The following FHL3 variants were observed in gnomAD, a reference collection of about 807,000 sequenced individuals.
FHL3 encodes four and a half LIM domains protein 3.
Under a neutral mutation model 34.3 loss-of-function variants are expected in FHL3, and 21 were observed. That is an observed-to-expected ratio of 0.61 (90% CI 0.43 to 0.88). FHL3 has a LOEUF of 0.88. Ranked by LOEUF, FHL3 falls within the 40% of genes least tolerant of loss-of-function variation. FHL3 has a pLI of 0.00. For synonymous variants in FHL3, 137 were observed against 144.6 expected (o/e 0.95, Z 0.38); for missense variants, 333 against 373.7 (o/e 0.89, Z 0.90).
chr1:38,001,783 G>C lies in FHL3; in HGVS notation c.-20-2351C>G, dbSNP rs1174484192. On this transcript the variant is annotated intron_variant, in intron 1 of 5. Coordinates refer to ENST00000373016, the MANE Select transcript of FHL3 (RefSeq NM_004468.5). Reference sequence around the variant, plus strand: ...CTCCCAGTGAACCTCCTGGAGCTCAGAATGACTGCGTAACTGGCTATGGTG... The same window carrying C: ...CTCCCAGTGAACCTCCTGGAGCTCACAATGACTGCGTAACTGGCTATGGTG... Among the ~76,000 whole-genome samples the C allele has an allele frequency of 3.9e-5, 6 of 152,214 alleles. No individual in the cohort carries two copies. The East Asian group carries it at 9.6e-4, about 24-fold the overall frequency.
In FHL3 at chr1:37,999,160, A is replaced by G; in HGVS notation, c.157-12T>C. 1 of 1,614,104 alleles carries G rather than the reference A, an allele frequency of 6.2e-7. No individual in the cohort carries two copies. The highest frequency in any genetic ancestry group is 8.5e-7 in the Non-Finnish European group (1 of 1,179,960). On this transcript the variant is annotated splice_polypyrimidine_tract_variant and intron_variant, in intron 2 of 5. Coordinates refer to ENST00000373016, the MANE Select transcript of FHL3 (RefSeq NM_004468.5). ...TCATAGAACAGCTCCTGTGGGGAAC[A>G]CAGCAGGGGCACTGGCACCCAGGCC...
chr1:38,000,468 G>GGAGAGA (rs1366563868), intron 1 of FHL3, among the ~76,000 whole-genome samples: 1 of 152,170 alleles, frequency 6.6e-6, no homozygotes, highest in Non-Finnish European at 1.5e-5. Context: ...GGAGCTGAAA[G>GGAGAGA]GAGAGAGAGC....
Position 37,998,056 on chromosome 1 carries a change from CAGTGG to C in FHL3, c.403_407del (p.Pro135GlyfsTer19), listed in dbSNP as rs767156444. 6.2e-7 allele frequency: 1 copy of C among 1,614,074 alleles called. No individual in the cohort carries two copies. Among genetic ancestry groups the C allele is most frequent in the Non-Finnish European group, 8.5e-7 (1 of 1,179,970 alleles). ...TGTCGGGCACAAAAGAACGGGAGCC[CAGTGG>C]CTGTTCACAGCCACTGCACAGGAAG... On this transcript the variant is annotated frameshift_variant, in exon 4 of 6. Transcript: ENST00000373016. LOFTEE classifies it high-confidence loss of function.
chr1:38,003,957 A>C (rs1570489391), intron 1 of FHL3, among the ~76,000 whole-genome samples: 2 of 148,056 alleles, frequency 1.4e-5, no homozygotes, highest in Admixed American at 6.7e-5. Context: ...TTCTGCCCCC[A>C]CCCCCAACAT....
rs1249163463 is a variant in FHL3 at position 37,999,279 on chromosome 1, T to C, written c.134A>G (p.Gln45Arg). The change falls in exon 2 of 6, where the codon CAG becomes CGG. Residue 45 changes from glutamine to arginine, a missense_variant. By Grantham distance (43) the Gln-to-Arg change is conservative. Transcript: ENST00000373016. Reference protein sequence around the residue: ...TFANTCAECQQLIGHDSRELF... With the variant: ...TFANTCAECQRLIGHDSRELF... ...TACCCTCGAGTCATGCCCGATAAGC[T>C]GCTGGCACTCAGCACAGGTGTTGGC... The C allele has an allele frequency of 6.2e-7, 1 of 1,614,212 alleles. No homozygotes were observed.
chr1:38,003,470 A>T (rs922430282), intron 1 of FHL3, among the ~76,000 whole-genome samples: 1 of 152,178 alleles, frequency 6.6e-6, no homozygotes, highest in African/African-American at 2.4e-5. Context: ...CCCCAGGCCC[A>T]TGGGGCTTGC....
At chr1:38,002,643 C>T (rs572802159) in intron 1 of FHL3, among the ~76,000 whole-genome samples, 9 of 147,992 alleles carry the variant, frequency 6.1e-5, no homozygotes, top group East Asian at 2.0e-4. Context: ...CAGGTTCAAG[C>T]GATTCTTCTG....
chr1:38,004,927 G>C (rs1279530823), intron 1 of FHL3, among the ~76,000 whole-genome samples: 1 of 152,028 alleles, frequency 6.6e-6, no homozygotes, highest in African/African-American at 2.4e-5. Context: ...CCTCGGGTCT[G>C]TCCACCAGTA....
Position 37,999,252 on chromosome 1 carries a change from C to T in FHL3, c.156+5G>A, listed in dbSNP as rs752493729. ...ACCTCCTGCCTGGCCTGGCCCTCTC[C>T]TTACCCTCGAGTCATGCCCGATAAG... On this transcript the variant is annotated splice_donor_5th_base_variant and intron_variant, in intron 2 of 5. Transcript: ENST00000373016. 2 of 1,614,242 alleles carry T rather than the reference C, an allele frequency of 1.2e-6. No homozygotes were observed. The highest frequency in any genetic ancestry group is 1.7e-6 in the Non-Finnish European group (2 of 1,180,036).
chr1:37,999,229 C>G (rs1646568248), intron 2 of FHL3, 28 bp downstream of exon 2: 20 of 1,614,138 alleles, frequency 1.2e-5, no homozygotes, highest in Non-Finnish European at 1.5e-5. Context: ...CACCACCCAC[C>G]TCCTGCCTGG....
intron 1 of FHL3, among the ~76,000 whole-genome samples, chr1:38,003,464 A>G (rs976583542): frequency 3.3e-5 from 5 of 152,156 alleles, no homozygotes; most frequent in Non-Finnish European, 1.5e-5. Flanking sequence ...AGGGGGCCCC[A>G]GGCCCATGGG....
At position 37,999,408 on chromosome 1, in the gene FHL3, C is replaced by T. The variant is rs1163040519; in HGVS notation, c.5G>A (p.Ser2Asn). ...GCATTTTGCACAGTCAAATGACTCG[C>T]TCATGGTGGCAAGGGGAGAGAACCC... is the stretch of plus-strand genomic sequence containing the variant. M[S>N]ESFDCAKCNE... Residue 2 changes from serine to asparagine, a missense_variant, in exon 2 of 6, where the codon AGC (serine) becomes AAC (asparagine). Ser to Asn is a conservative substitution (Grantham distance 46). Coordinates refer to ENST00000373016, the MANE Select transcript of FHL3 (RefSeq NM_004468.5). 3 of 1,614,010 alleles carry T rather than the reference C, an allele frequency of 1.9e-6. No individual in the cohort carries two copies. The highest frequency in any genetic ancestry group is 2.7e-5 in the African/African-American group (2 of 74,932).
intron 1 of FHL3, among the ~76,000 whole-genome samples, chr1:38,003,102 G>A (rs911066717): frequency 4.6e-5 from 7 of 152,002 alleles, no homozygotes; most frequent in Non-Finnish European, 1.0e-4. Flanking sequence ...AGGTTGCAGT[G>A]AGCCAAGATC....
rs372950901 is a variant in FHL3, at chr1:38,001,271, C to G, written c.-20-1839G>C. Among the ~76,000 whole-genome samples, 8 of 152,354 alleles carry G rather than the reference C, an allele frequency of 5.3e-5. No individual in the cohort carries two copies. In the East Asian group the frequency reaches 1.2e-3, roughly 22 times the overall value. On this transcript the variant is annotated intron_variant, in intron 1 of 5. Transcript: ENST00000373016. ...CACTCAGGCCCAGGTTTCCTCTGGC[C>G]CAACATCTGAGGATTGCCTGGGCTG...
chr1:37,997,465 C>G lies in FHL3; in HGVS notation c.783G>C (p.Gln261His). 6.2e-7 allele frequency: 1 copy of G among 1,614,108 alleles called. No individual in the cohort carries two copies. Among genetic ancestry groups the G allele is most frequent in the Middle Eastern group, 1.7e-4 (1 of 6,058 alleles). ...CTTGGTCTCCATCCGGTACGAAGCC[C>G]TGGCCCACCAGGGAGGTAGAGCAGC... ...CARCSTSLVG[Q>H]GFVPDGDQVL... Residue 261 changes from glutamine (Q) to histidine (H), a missense_variant, in exon 6 of 6, where the codon CAG becomes CAC. Physicochemically the swap from Gln to His is conservative, Grantham distance 24. Coordinates refer to ENST00000373016, the MANE Select transcript of FHL3 (RefSeq NM_004468.5). This position sits in a 1 kb window ranked among gnomAD's most constrained non-coding sequence, Gnocchi z 4.3.
Position 37,997,357 on chromosome 1 carries a change from C to G in FHL3, c.*48G>C. On this transcript the variant is annotated 3_prime_UTR_variant, in exon 6 of 6. Coordinates refer to ENST00000373016, the MANE Select transcript of FHL3 (RefSeq NM_004468.5). The surrounding 1 kb of genome is among the most constrained non-coding windows in gnomAD (Gnocchi z 4.3). ...CAGAGGTGGTTTAGAAAAGGAGCCA[C>G]AGTCCTGGGCCCGTGGTATGGGAAA... The G allele has an allele frequency of 6.4e-7, 1 of 1,567,448 alleles. No homozygotes were observed. Among genetic ancestry groups the G allele is most frequent in the Non-Finnish European group, 8.6e-7 (1 of 1,159,564 alleles).
In FHL3 at chr1:37,999,156, G is replaced by T; in HGVS notation, c.157-8C>A. 1 of 1,614,156 alleles carries T rather than the reference G, an allele frequency of 6.2e-7. No individual in the cohort carries two copies. Among genetic ancestry groups the T allele is most frequent in the Non-Finnish European group, 8.5e-7 (1 of 1,180,008 alleles). On this transcript the variant is annotated splice_region_variant and splice_polypyrimidine_tract_variant and intron_variant, in intron 2 of 5. Coordinates refer to ENST00000373016, the MANE Select transcript of FHL3 (RefSeq NM_004468.5). ...GTCTTCATAGAACAGCTCCTGTGGGGAACACAGCAGGGGCACTGGCACCCA... is the reference window on the plus strand; with the variant it reads ...GTCTTCATAGAACAGCTCCTGTGGGTAACACAGCAGGGGCACTGGCACCCA...
At position 37,997,639 on chromosome 1, in the gene FHL3, C is replaced by T; in HGVS notation, c.688+45G>A. The T allele has an allele frequency of 1.2e-6, 2 of 1,612,286 alleles. No homozygotes were observed. The highest frequency in any genetic ancestry group is 8.5e-7 in the Non-Finnish European group (1 of 1,178,722). On this transcript the variant is annotated intron_variant, in intron 5 of 5. Transcript: ENST00000373016. This position sits in a 1 kb window ranked among gnomAD's most constrained non-coding sequence, Gnocchi z 4.3. ...CCTCACCCAATACCACATCCCACTC[C>T]CTTGCCTGCACCCTACCCACTCCGT... is the stretch of plus-strand genomic sequence containing the variant.
Position 37,999,445 on chromosome 1 carries a change from C to G in FHL3, c.-20-13G>C. Reference sequence around the variant, plus strand: ...AGGGGAGAGAACCCTGTTAGGAGCACAAGGTGGAACTGGGGTCACACAGAG... The same window carrying G: ...AGGGGAGAGAACCCTGTTAGGAGCAGAAGGTGGAACTGGGGTCACACAGAG... On this transcript the variant is annotated splice_polypyrimidine_tract_variant and intron_variant, in intron 1 of 5. Transcript: ENST00000373016. 6.2e-7 allele frequency: 1 copy of G among 1,611,340 alleles called. No individual in the cohort carries two copies. The highest frequency in any genetic ancestry group is 1.7e-5 in the Admixed American group (1 of 59,886).
Sources: allele counts gnomAD v4.1 joint callset (sites outside exome capture counted in the v4.1 genomes callset), GRCh38; gene constraint gnomAD v4.1.1; non-coding constraint Gnocchi (gnomAD v3.1); transcripts MANE v1.5; gene names NCBI Gene and HGNC (gene_info 2026-07-23, HGNC 2026-07-21).